The following COL12A1 variants were observed in gnomAD, a reference collection of about 807,000 sequenced individuals.
COL12A1 encodes collagen type XII alpha 1 chain, also known as collagen alpha-1(XII) chain.
A neutral mutation model predicts 349.7 loss-of-function variants in COL12A1; 114 were observed. That is an observed-to-expected ratio of 0.33 (90% CI 0.28 to 0.38). The LOEUF is 0.38. Among genes scored for constraint, COL12A1 ranks in the 10% least tolerant of loss-of-function variants. The pLI is 1.00. For missense variants in COL12A1, 3,284 were observed against 3,756.9 expected (o/e 0.87, Z 3.29); for synonymous variants, 1,369 against 1,329.0 (o/e 1.03, Z -0.66).
chr6:75,135,721 A>C (rs913103627), intron 31 of COL12A1, among the ~76,000 whole-genome samples: 3 of 152,120 alleles, frequency 2.0e-5, no homozygotes, highest in Non-Finnish European at 1.5e-5. Flanking sequence ...CCAGAGAAAA[A>C]CCCAGTGAAT....
At chr6:75,156,607 C>A in intron 14 of COL12A1, 84 bp from the exon 15 acceptor site, 1 of 1,295,110 alleles carries the variant, frequency 7.7e-7, no homozygotes, top group East Asian at 2.4e-5. Context: ...AAAAGAAACT[C>A]TCTGTGGCTT....
intron 58 of COL12A1, among the ~76,000 whole-genome samples, chr6:75,098,266 C>T (rs1186382260): frequency 6.6e-6 from 1 of 152,186 alleles, no homozygotes; most frequent in Non-Finnish European, 1.5e-5. Context: ...AATTAGAAAA[C>T]TCCCTTCCTC....
rs1223058922 is a variant in COL12A1 at position 75,187,160 on chromosome 6, AT to A, written c.997+1201del. ...AAAATAATTTTAAAAATAAATAAAT[AT>A]ATATATATATATATATTTAAAATGA... On this transcript the variant is annotated intron_variant, in intron 8 of 65. Transcript: ENST00000322507. 9.9e-3 allele frequency among the ~76,000 whole-genome samples: 55 copies of A among 5,572 alleles called. 1 individual carries two copies. Among genetic ancestry groups the A allele is most frequent in the Non-Finnish European group, 0.024 (11 of 466 alleles). 3.7% of individuals were successfully genotyped at this position (5,572 alleles called of 152,430 possible).
At chr6:75,121,612 A>G (rs1765736247) in intron 43 of COL12A1, among the ~76,000 whole-genome samples, 171 bp from the exon 44 acceptor site, 1 of 152,246 alleles carries the variant, frequency 6.6e-6, no homozygotes, top group Admixed American at 6.5e-5. Context: ...CCTACCCCAG[A>G]CTTCCTGAAT....
Position 75,161,474 on chromosome 6 carries a change from C to T in COL12A1, c.2983+4033G>A, listed in dbSNP as rs151116366. On this transcript the variant is annotated intron_variant, in intron 14 of 65. Coordinates refer to ENST00000322507, the MANE Select transcript of COL12A1 (RefSeq NM_004370.6). ...GAACCTGAGAATATGGAGGGCCAAT[C>T]GTAACCTAAAAATGAACATTTCATT... Among the ~76,000 whole-genome samples, 249 of 152,154 alleles carry T rather than the reference C, an allele frequency of 1.6e-3. 1 individual carries two copies. Among genetic ancestry groups the T allele is most frequent in the African/African-American group, 5.5e-3 (229 of 41,502 alleles).
At chr6:75,158,749 G>A (rs1157982007) in intron 14 of COL12A1, among the ~76,000 whole-genome samples, 2 of 151,866 alleles carry the variant, frequency 1.3e-5, no homozygotes, top group Non-Finnish European at 2.9e-5. Flanking sequence ...AAAAATACAT[G>A]AGATAATATT....
At chr6:75,191,270 G>A (rs557578490) in intron 5 of COL12A1, among the ~76,000 whole-genome samples, 1 of 152,034 alleles carries the variant, frequency 6.6e-6, no homozygotes, top group East Asian at 1.9e-4. Flanking sequence ...GTATTTTCAT[G>A]GCAATTGTAT....
intron 52 of COL12A1, among the ~76,000 whole-genome samples, chr6:75,108,151 C>G (rs547853394): frequency 8.5e-5 from 13 of 152,054 alleles, no homozygotes; most frequent in Non-Finnish European, 1.9e-4. Flanking sequence ...GCCATCATAG[C>G]TCTCTGCAGC....
chr6:75,191,842 G>C (rs541254326), intron 4 of COL12A1, 82 bp from the exon 5 acceptor site: 184 of 840,766 alleles, frequency 2.2e-4, no homozygotes, highest in Non-Finnish European at 3.0e-4. Context: ...TATTATATTA[G>C]TTTTTGTTAT....
chr6:75,103,829 A>T lies in COL12A1; in HGVS notation c.8266-19T>A. 6.2e-7 allele frequency: 1 copy of T among 1,601,930 alleles called. No individual in the cohort carries two copies. Among genetic ancestry groups the T allele is most frequent in the Non-Finnish European group, 8.5e-7 (1 of 1,173,166 alleles). ...GTCCTCCCTAAAATACATAGAGCAC[A>T]TAGTAGTGTGAACATAGGAAAATAG... On this transcript the variant is annotated intron_variant, in intron 54 of 65. Coordinates refer to ENST00000322507, the MANE Select transcript of COL12A1 (RefSeq NM_004370.6).
chr6:75,165,922 T>C (rs965253681), intron 13 of COL12A1, 143 bp from the exon 14 acceptor site: 2 of 744,482 alleles, frequency 2.7e-6, no homozygotes. Flanking sequence ...CTTTTTGAGT[T>C]GTCCATCCTA....
Position 75,145,319 on chromosome 6 carries a change from A to G in COL12A1, c.4690+7T>C, listed in dbSNP as rs1364868781. 3.1e-6 allele frequency: 5 copies of G among 1,593,366 alleles called. No homozygotes were observed. The highest frequency in any genetic ancestry group is 4.3e-6 in the Non-Finnish European group (5 of 1,165,848). On this transcript the variant is annotated splice_region_variant and intron_variant, in intron 25 of 65. Coordinates refer to ENST00000322507, the MANE Select transcript of COL12A1 (RefSeq NM_004370.6). Reference sequence around the variant, plus strand: ...AAGAAGGGAAATAAAACTAAGCAGTAGCTTACAGGTGACTTCCCGAACAGT... The same window carrying G: ...AAGAAGGGAAATAAAACTAAGCAGTGGCTTACAGGTGACTTCCCGAACAGT...
Position 75,085,259 on chromosome 6 carries a change from C to G in COL12A1, c.*1288G>C, listed in dbSNP as rs1338830507. On this transcript the variant is annotated 3_prime_UTR_variant, in exon 66 of 66. Transcript: ENST00000322507. Reference sequence around the variant, plus strand: ...GGGGCTCAGGAGGCTCCTCTGCAGGCTCGTCTGCGCCGTAGTCCTCGTATT... The same window carrying G: ...GGGGCTCAGGAGGCTCCTCTGCAGGGTCGTCTGCGCCGTAGTCCTCGTATT... 1 of 470,816 alleles carries G rather than the reference C, an allele frequency of 2.1e-6. No individual in the cohort carries two copies. Among genetic ancestry groups the G allele is most frequent in the African/African-American group, 2.0e-5 (1 of 50,094 alleles). 29.2% of individuals were successfully genotyped at this position (470,816 alleles called of 1,614,324 possible).
Position 75,191,748 on chromosome 6 carries a change from C to T in COL12A1, c.347G>A (p.Ser116Asn), listed in dbSNP as rs1055167824. 6.3e-7 allele frequency: 1 copy of T among 1,595,050 alleles called. No individual in the cohort carries two copies. The highest frequency in any genetic ancestry group is 8.5e-7 in the Non-Finnish European group (1 of 1,170,454). Residue 116 changes from serine to asparagine, a missense_variant, in exon 5 of 66, where the codon AGT (serine) becomes AAT (asparagine). Transcript: ENST00000322507. ...TTTCTTCTCCACTGGCTTTGTCGAA[C>T]TACCTGTTTGAACTAAGTTAAAACT... ...VIGQLTIQTGSSTKPVEKKPG... is the reference protein window; with the variant it reads ...VIGQLTIQTGNSTKPVEKKPG...
At position 75,134,750 on chromosome 6, in the gene COL12A1, G is replaced by A. The variant is rs775456254; in HGVS notation, c.5500C>T (p.Arg1834Trp). ...SSLYPDGEGG[R>W]MTGRGKTKPL... Reference sequence around the variant, plus strand: ...CTGGTCTTGCCTCTTCCCGTCATCCGACCTCCTTCACCATCAGGATACAGA... The same window carrying A: ...CTGGTCTTGCCTCTTCCCGTCATCCAACCTCCTTCACCATCAGGATACAGA... The change falls in exon 32 of 66, where the codon CGG (arginine) becomes TGG (tryptophan). Residue 1834 changes from arginine (R) to tryptophan (W), a missense_variant. Physicochemically the swap from Arg to Trp is moderately radical, Grantham distance 101. Coordinates refer to ENST00000322507, the MANE Select transcript of COL12A1 (RefSeq NM_004370.6). 17 of 1,606,898 alleles carry A rather than the reference G, an allele frequency of 1.1e-5. No individual in the cohort carries two copies. Among genetic ancestry groups the A allele is most frequent in the South Asian group, 2.2e-5 (2 of 89,876 alleles).
chr6:75,135,130 A>G (rs1171787490), intron 31 of COL12A1, among the ~76,000 whole-genome samples: 1 of 148,764 alleles, frequency 6.7e-6, no homozygotes, highest in Non-Finnish European at 1.5e-5. Context: ...CATCCAAAAC[A>G]CATTTCACAG....
intron 7 of COL12A1, 96 bp downstream of exon 7, chr6:75,189,121 A>G: frequency 7.6e-7 from 1 of 1,313,980 alleles, no homozygotes; most frequent in Non-Finnish European, 1.0e-6. Flanking sequence ...CACTTCTAAT[A>G]GCATCCTTCC....
In COL12A1 at chr6:75,089,158, T is replaced by C. The variant is rs1435465822; in HGVS notation, c.8958A>G (p.Lys2986=). Residue 2986 remains lysine, a synonymous_variant, in exon 64 of 66, where the codon AAA becomes AAG. Transcript: ENST00000322507. The part of the protein sequence containing the change: ...PPGERGLPGE[K]GERGTGSSGP... ...CTGAAGATCCAGTACCCCTTTCACC[T>C]TTCTCTCCTGGCAAACCTAAGGAGG... is the stretch of plus-strand genomic sequence containing the variant. 1.2e-6 allele frequency: 2 copies of C among 1,609,442 alleles called. No individual in the cohort carries two copies. Among genetic ancestry groups the C allele is most frequent in the African/African-American group, 2.7e-5 (2 of 74,294 alleles).
intron 44 of COL12A1, among the ~76,000 whole-genome samples, chr6:75,120,246 A>G (rs934594087): frequency 6.6e-6 from 1 of 152,174 alleles, no homozygotes; most frequent in Non-Finnish European, 1.5e-5. Context: ...AATTAAGAAT[A>G]TAACTAGGGT....
Sources: allele counts gnomAD v4.1 joint callset (sites outside exome capture counted in the v4.1 genomes callset), GRCh38; gene constraint gnomAD v4.1.1; transcripts MANE v1.5; gene names NCBI Gene and HGNC (gene_info 2026-07-23, HGNC 2026-07-21).